Variants in KDM4C observed in about 807,000 individuals in gnomAD.
The protein encoded by KDM4C is lysine demethylase 4C, also known as lysine-specific demethylase 4C.
Under a neutral mutation model 129.3 loss-of-function variants are expected in KDM4C, and 81 were observed. The observed-to-expected ratio is 0.63, with a 90% confidence interval of 0.52 to 0.75. KDM4C has a LOEUF of 0.75. Among genes scored for constraint, KDM4C ranks in the 30% least tolerant of loss-of-function variants. The pLI is 0.00. For missense variants in KDM4C, 1,457 were observed against 1,304.0 expected (o/e 1.12, Z -1.81); for synonymous variants, 573 against 456.1 (o/e 1.26, Z -3.26).
At chr9:6,839,875 C>G (rs1032498710) in intron 4 of KDM4C, among the ~76,000 whole-genome samples, 4 of 151,920 alleles carry the variant, frequency 2.6e-5, no homozygotes, top group Non-Finnish European at 5.9e-5. Context: ...TGCACTGCAG[C>G]CTGGGTGACA....
chr9:6,895,603 T>C (rs187236733), intron 8 of KDM4C, among the ~76,000 whole-genome samples: 2 of 152,250 alleles, frequency 1.3e-5, no homozygotes. Flanking sequence ...ATCATTGACA[T>C]ATTTAGAATC....
chr9:7,019,917 T>A (rs948946538), intron 15 of KDM4C, among the ~76,000 whole-genome samples: 1 of 151,822 alleles, frequency 6.6e-6, no homozygotes, highest in Non-Finnish European at 1.5e-5. Flanking sequence ...TACGCATGGC[T>A]GGAGTCAATA....
At chr9:7,026,060 G>A (rs952772977) in intron 15 of KDM4C, among the ~76,000 whole-genome samples, 2 of 152,070 alleles carry the variant, frequency 1.3e-5, no homozygotes, top group African/African-American at 4.8e-5. Context: ...TAAAAAATTA[G>A]TTGGGTGTTG....
intron 19 of KDM4C, among the ~76,000 whole-genome samples, chr9:7,156,912 G>A (rs557969883): frequency 1.3e-5 from 2 of 152,258 alleles, no homozygotes; most frequent in South Asian, 2.1e-4. Flanking sequence ...AGCTTGATGG[G>A]GATGGCATTG....
intron 4 of KDM4C, among the ~76,000 whole-genome samples, chr9:6,818,024 C>A (rs928500084): frequency 6.6e-6 from 1 of 152,116 alleles, no homozygotes; most frequent in African/African-American, 2.4e-5. Flanking sequence ...CTCAGCCTTC[C>A]AAAGTGCTGG....
At chr9:6,963,620 A>G (rs1270304119) in intron 8 of KDM4C, among the ~76,000 whole-genome samples, 5 of 152,246 alleles carry the variant, frequency 3.3e-5, no homozygotes, top group African/African-American at 1.2e-4. Flanking sequence ...CAGAGGGGTA[A>G]CAGTGGAGAG....
intron 5 of KDM4C, among the ~76,000 whole-genome samples, chr9:6,861,774 C>CTTTTTTTTTTTTTTTTTTTTTTTTTT (rs199903320): frequency 6.7e-6 from 1 of 148,848 alleles, no homozygotes. Flanking sequence ...ATATTTCTTT[C>CTTTTTTTTTTTTTTTTTTTTTTTTTT]TTTCTTTTTT....
At position 6,896,489 on chromosome 9, in the gene KDM4C, A is replaced by AT. The variant is rs1491399343; in HGVS notation, c.921+3257_921+3258insT. 1.8e-3 allele frequency among the ~76,000 whole-genome samples: 273 copies of AT among 150,166 alleles called. 2 individuals carry two copies. The highest frequency in any genetic ancestry group is 6.4e-3 in the African/African-American group (259 of 40,280). On this transcript the variant is annotated intron_variant, in intron 8 of 21. Transcript: ENST00000381309. ...CACTATGAAATATATATATATATAT[A>AT]AAAATATAATTTTGTGTAATACAAA...
intron 1 of KDM4C, among the ~76,000 whole-genome samples, chr9:6,744,913 C>G (rs373830527): frequency 1.3e-5 from 2 of 152,168 alleles, no homozygotes; most frequent in African/African-American, 4.8e-5. Flanking sequence ...GGGCTAATAC[C>G]CTGCAGAAAC....
At chr9:7,160,237 T>C (rs1211064075) in intron 19 of KDM4C, among the ~76,000 whole-genome samples, 1 of 152,192 alleles carries the variant, frequency 6.6e-6, no homozygotes, top group Non-Finnish European at 1.5e-5. Context: ...TTGTCTAATC[T>C]TTTTTCAAGG....
intron 8 of KDM4C, among the ~76,000 whole-genome samples, chr9:6,913,214 A>AT (rs1340551848): frequency 6.6e-6 from 1 of 152,034 alleles, no homozygotes; most frequent in Non-Finnish European, 1.5e-5. Flanking sequence ...ACTTGATTAT[A>AT]TTTTTCAAAA....
At chr9:6,901,183 G>A (rs1226528703) in intron 8 of KDM4C, among the ~76,000 whole-genome samples, 1 of 152,146 alleles carries the variant, frequency 6.6e-6, no homozygotes, top group Non-Finnish European at 1.5e-5. Flanking sequence ...GAAGCAGGCT[G>A]GCCAACCCCT....
intron 1 of KDM4C, among the ~76,000 whole-genome samples, chr9:6,774,271 G>A (rs1181469785): frequency 6.6e-6 from 1 of 152,162 alleles, no homozygotes; most frequent in South Asian, 2.1e-4. Flanking sequence ...CCTTCACCAG[G>A]CATGCAGGTT....
intron 17 of KDM4C, among the ~76,000 whole-genome samples, chr9:7,074,775 A>G (rs1159931403): frequency 2.0e-5 from 3 of 152,218 alleles, no homozygotes; most frequent in African/African-American, 7.2e-5. Flanking sequence ...TGGCTGCTGT[A>G]TAGGGTATCA....
chr9:7,138,568 G>A (rs6477162), intron 19 of KDM4C, among the ~76,000 whole-genome samples: 62,971 of 151,858 alleles, frequency 0.41, 13,504 homozygotes, highest in African/African-American at 0.54. Flanking sequence ...AAATCCCAGC[G>A]CTTTGGGGCA....
intron 18 of KDM4C, 192 bp from the exon 19 acceptor site, chr9:7,127,874 G>A (rs1214302034): frequency 2.0e-6 from 1 of 506,008 alleles, no homozygotes; most frequent in African/African-American, 2.0e-5. Flanking sequence ...TAAACAAGTA[G>A]TGTTTATACT....
chr9:6,967,681 C>G (rs762745307), intron 8 of KDM4C, among the ~76,000 whole-genome samples: 8 of 152,152 alleles, frequency 5.3e-5, no homozygotes, highest in Non-Finnish European at 7.3e-5. Flanking sequence ...TTTTTACTTT[C>G]TCTGCCTTAT....
chr9:6,954,493 A>G (rs1828726459), intron 8 of KDM4C, among the ~76,000 whole-genome samples: 1 of 152,186 alleles, frequency 6.6e-6, no homozygotes, highest in South Asian at 2.1e-4. Flanking sequence ...AGTCTCAGAC[A>G]TGATCTTTTT....
At chr9:6,746,916 G>C (rs1036329398) in intron 1 of KDM4C, among the ~76,000 whole-genome samples, 1 of 141,098 alleles carries the variant, frequency 7.1e-6, no homozygotes, top group African/African-American at 2.6e-5. Context: ...TGAGGCAGGA[G>C]AATGGCGTGA....
Sources: allele counts gnomAD v4.1 joint callset (sites outside exome capture counted in the v4.1 genomes callset), GRCh38; gene constraint gnomAD v4.1.1; transcripts MANE v1.5; gene names NCBI Gene and HGNC (gene_info 2026-07-23, HGNC 2026-07-21).